ZDHHC21: variants seen among roughly 807,000 people sequenced by gnomAD.
ZDHHC21 encodes the protein palmitoyltransferase ZDHHC21.
Under a neutral mutation model 34.6 loss-of-function variants are expected in ZDHHC21, and 15 were observed. The ratio of observed to expected loss-of-function variants is 0.43; its 90% confidence interval spans 0.29 to 0.67. ZDHHC21 has a LOEUF of 0.67. Among genes scored for constraint, ZDHHC21 ranks in the 30% least tolerant of loss-of-function variants. The probability of loss-of-function intolerance (pLI) is 0.14; values close to 1 mark genes in which losing one functional copy is unlikely to be tolerated. For missense variants in ZDHHC21, 344 were observed against 327.7 expected (o/e 1.05, Z -0.38); for synonymous variants, 142 against 101.8 (o/e 1.40, Z -2.38).
the ZDHHC21 span, among the ~76,000 whole-genome samples, chr9:14,596,532 T>C: frequency 6.6e-5 from 10 of 152,110 alleles, no homozygotes; most frequent in African/African-American, 2.4e-4. Context: ...ACTGGTCCGG[T>C]AGGAAAAGCA....
chr9:14,662,959 AACT>A lies in ZDHHC21; in HGVS notation c.254-636_254-634del, dbSNP rs1244927569. 3.3e-5 allele frequency among the ~76,000 whole-genome samples: 5 copies of A among 152,316 alleles called. No individual in the cohort carries two copies. The East Asian group carries it at 9.6e-4, about 29-fold the overall frequency. On this transcript the variant is annotated intron_variant, in intron 5 of 9. Transcript: ENST00000380916. Reference sequence around the variant, plus strand: ...TCAGTAGTGAAAAATGTTATAAGACAACTACTATTTTTAATGAAAATAAAGGAG... The same window carrying A: ...TCAGTAGTGAAAAATGTTATAAGACAACTATTTTTAATGAAAATAAAGGAG...
chr9:14,667,705 T>C (rs1834724129), intron 5 of ZDHHC21, among the ~76,000 whole-genome samples: 2 of 84,338 alleles, frequency 2.4e-5, no homozygotes, highest in African/African-American at 9.6e-5. Flanking sequence ...TATATGCAAA[T>C]CAATAAATGT....
chr9:14,647,216 T>C (rs1051587696), intron 7 of ZDHHC21, among the ~76,000 whole-genome samples: 3 of 152,098 alleles, frequency 2.0e-5, no homozygotes, highest in African/African-American at 7.2e-5. Context: ...TATCTCATAA[T>C]CTTTTAGAAC....
rs1439394316 is a variant in ZDHHC21 at position 14,617,482 on chromosome 9, T to G, written c.*1484A>C. ...TGACAATGGTAACCTTCTGTTTAAT[T>G]ATTTCCCAGGTATTGTTCCTTACTT... On this transcript the variant is annotated 3_prime_UTR_variant, in exon 10 of 10. Transcript: ENST00000380916. 1 of 152,026 alleles carries G rather than the reference T, an allele frequency of 6.6e-6. No homozygotes were observed. Among genetic ancestry groups the G allele is most frequent in the Admixed American group, 6.6e-5 (1 of 15,236 alleles). The allele number at this position is 152,026 out of a possible 1,614,324, so 9.4% of individuals were successfully genotyped here.
intron 2 of ZDHHC21, among the ~76,000 whole-genome samples, chr9:14,680,469 T>C (rs1396505842): frequency 6.6e-6 from 1 of 152,170 alleles, no homozygotes; most frequent in Non-Finnish European, 1.5e-5. Flanking sequence ...CACACTTCCT[T>C]GACCACAAAT....
chr9:14,680,428 G>C (rs180679272), intron 2 of ZDHHC21, among the ~76,000 whole-genome samples: 1 of 151,894 alleles, frequency 6.6e-6, no homozygotes, highest in East Asian at 1.9e-4. Context: ...AATCAAATAA[G>C]CATTATATGT....
At position 14,674,322 on chromosome 9, in the gene ZDHHC21, A is replaced by C; in HGVS notation, c.19T>G (p.Phe7Val). MGLRIH[F>V]VVDPHGWCCM... The stretch of plus-strand genomic sequence containing the variant: ...CACCAACCATGTGGGTCAACAACAA[A>C]GTGAATCCGGAGACCCATTTTGCAA... Residue 7 changes from phenylalanine to valine, a missense_variant, in exon 4 of 10, where the codon TTT (phenylalanine) becomes GTT (valine). Transcript: ENST00000380916. 6.3e-7 allele frequency: 1 copy of C among 1,595,356 alleles called. No individual in the cohort carries two copies. The highest frequency in any genetic ancestry group is 1.4e-5 in the African/African-American group (1 of 73,736).
chr9:14,639,486 A>C (rs1473564166), intron 8 of ZDHHC21, among the ~76,000 whole-genome samples: 1 of 152,098 alleles, frequency 6.6e-6, no homozygotes, highest in Non-Finnish European at 1.5e-5. Flanking sequence ...ATTTTAAAGT[A>C]ACTAGCACAG....
At chr9:14,591,034 A>G in the ZDHHC21 span, among the ~76,000 whole-genome samples, 1 of 152,128 alleles carries the variant, frequency 6.6e-6, no homozygotes. Flanking sequence ...TAGCACAGTA[A>G]TATCTAAGGG....
chr9:14,595,735 T>C, the ZDHHC21 span, among the ~76,000 whole-genome samples: 1 of 152,124 alleles, frequency 6.6e-6, no homozygotes, highest in African/African-American at 2.4e-5. Flanking sequence ...GTCAAAAGAT[T>C]TGAAAGCACA....
intron 3 of ZDHHC21, 78 bp from the exon 4 acceptor site, chr9:14,674,463 A>G: frequency 1.2e-6 from 1 of 828,736 alleles, no homozygotes; most frequent in Non-Finnish European, 1.8e-6. Flanking sequence ...CAACTTTTAT[A>G]AAATGACATT....
At chr9:14,622,369 T>C (rs1825454909) in intron 8 of ZDHHC21, among the ~76,000 whole-genome samples, 1 of 151,428 alleles carries the variant, frequency 6.6e-6, no homozygotes, top group South Asian at 2.1e-4. Flanking sequence ...ATGTTGACTA[T>C]TACCACTGTA....
At position 14,640,030 on chromosome 9, in the gene ZDHHC21, GTCT is replaced by G; in HGVS notation, c.505-21_505-19del. 2 of 1,525,798 alleles carry G rather than the reference GTCT, an allele frequency of 1.3e-6. No individual in the cohort carries two copies. Among genetic ancestry groups the G allele is most frequent in the Non-Finnish European group, 1.8e-6 (2 of 1,112,780 alleles). The allele number at this position is 1,525,798 out of a possible 1,614,324, so 94.5% of individuals were successfully genotyped here. A position where few individuals can be genotyped will look rare whatever the true frequency, so the allele number is the denominator to read the frequency against. On this transcript the variant is annotated intron_variant, in intron 7 of 9. Transcript: ENST00000380916. The stretch of plus-strand genomic sequence containing the variant: ...AAGAGGTCCTAAAAAGAAAAAGAAA[GTCT>G]TAAAAACCATTCAGAGTTGCTTACA...
intron 8 of ZDHHC21, among the ~76,000 whole-genome samples, chr9:14,622,266 G>T (rs1825437638): frequency 6.6e-6 from 1 of 151,998 alleles, no homozygotes; most frequent in Admixed American, 6.6e-5. Flanking sequence ...AAGACATACA[G>T]AAATATAGGC....
intron 5 of ZDHHC21, among the ~76,000 whole-genome samples, chr9:14,672,147 A>G (rs1835584053): frequency 6.6e-6 from 1 of 152,124 alleles, no homozygotes; most frequent in Non-Finnish European, 1.5e-5. Context: ...CTTCAGAGTA[A>G]TTCAATAAAA....
chr9:14,688,395 A>T (rs1005279491), intron 2 of ZDHHC21, among the ~76,000 whole-genome samples: 1 of 150,900 alleles, frequency 6.6e-6, no homozygotes, highest in South Asian at 2.1e-4. Context: ...GAATGAAACA[A>T]CGTTTCTAGG....
At chr9:14,624,933 T>C (rs1439712958) in intron 8 of ZDHHC21, among the ~76,000 whole-genome samples, 12 of 152,076 alleles carry the variant, frequency 7.9e-5, no homozygotes, top group Non-Finnish European at 1.6e-4. Context: ...TTATTATATA[T>C]CAATCAAAAA....
intron 8 of ZDHHC21, among the ~76,000 whole-genome samples, chr9:14,627,586 T>C (rs1348762309): frequency 6.6e-6 from 1 of 152,052 alleles, no homozygotes; most frequent in African/African-American, 2.4e-5. Flanking sequence ...TCCAGAGACA[T>C]CATCAAAAGC....
intron 8 of ZDHHC21, 80 bp downstream of exon 8, chr9:14,639,816 C>A: frequency 1.3e-6 from 1 of 798,138 alleles, no homozygotes; most frequent in Non-Finnish European, 1.8e-6. Flanking sequence ...GATTTCTAAA[C>A]TTCCTATAAC....
Sources: gnomAD v4.1 joint callset for allele counts (sites outside exome capture counted in the v4.1 genomes callset) on GRCh38, gnomAD v4.1.1 for gene constraint, MANE v1.5 for transcripts, NCBI Gene and HGNC (gene_info 2026-07-23, HGNC 2026-07-21) for gene names.